The following ZNF862 variants were observed in gnomAD, a reference collection of about 807,000 sequenced individuals.
ZNF862 encodes zinc finger protein 862.
In ZNF862, 64 loss-of-function variants were observed where a neutral mutation model predicts 91.1. The ratio of observed to expected loss-of-function variants is 0.70; its 90% CI spans 0.57 to 0.87. The LOEUF is 0.87. Among genes scored for constraint, ZNF862 ranks in the 40% least tolerant of loss-of-function variants. The pLI, the probability that ZNF862 is intolerant of heterozygous loss-of-function variation, is 0.00. For synonymous variants in ZNF862, 631 were observed against 618.1 expected, an observed-to-expected ratio of 1.02 and a Z score of -0.31; for missense variants, 1,459 against 1,528.0, an observed-to-expected ratio of 0.95 and a Z score of 0.75.
intron 4 of ZNF862, among the ~76,000 whole-genome samples, chr7:149,849,449 T>G (rs1801987812): frequency 6.6e-6 from 1 of 152,240 alleles, no homozygotes; most frequent in South Asian, 2.1e-4. Context: ...GGAAACTACG[T>G]TCATTGGAAG....
intron 5 of ZNF862, among the ~76,000 whole-genome samples, chr7:149,853,574 C>G (rs1393117618): frequency 6.6e-6 from 1 of 152,118 alleles, no homozygotes; most frequent in Non-Finnish European, 1.5e-5. Flanking sequence ...TGGACAGTAC[C>G]CAAAAGGAAT....
rs758251424 is a variant in ZNF862 at position 149,846,218 on chromosome 7, C to T, written c.204C>T (p.Ser68=). 1.1e-5 allele frequency: 17 copies of T among 1,613,530 alleles called. No individual in the cohort carries two copies. In the East Asian group the frequency reaches 1.6e-4, roughly 15 times the overall value. Residue 68 remains serine, a synonymous_variant, in exon 3 of 8, where the codon AGC becomes AGT. Coordinates refer to ENST00000223210, the MANE Select transcript of ZNF862 (RefSeq NM_001099220.3). ...GAGGGCCAGAGCCATGGCTTGGCAG[C>T]GTCCAGGGCCAGAGGAGCCTTCTGG... ...FGRGPEPWLG[S]VQGQRSLLEH... is the part of the protein sequence containing the mutation.
Position 149,850,491 on chromosome 7 carries a change from C to A in ZNF862, c.1117+153C>A. The A allele has an allele frequency of 1.4e-6, 1 of 727,548 alleles. No homozygotes were observed. The highest frequency in any genetic ancestry group is 2.2e-6 in the Non-Finnish European group (1 of 455,754). The allele number at this position is 727,548 out of a possible 1,614,324, so 45.1% of individuals were successfully genotyped here. A position where few individuals can be genotyped will look rare whatever the true frequency, so the allele number is the denominator to read the frequency against. ...TCTTTTGCACCTCATAACTCCCCTGCTTGGGGTAACTGTGCTTTATCACCT... is the reference window on the plus strand; with the variant it reads ...TCTTTTGCACCTCATAACTCCCCTGATTGGGGTAACTGTGCTTTATCACCT... On this transcript the variant is annotated intron_variant, in intron 5 of 7. Coordinates refer to ENST00000223210, the MANE Select transcript of ZNF862 (RefSeq NM_001099220.3). The surrounding 1 kb of genome is among the most constrained non-coding windows in gnomAD (Gnocchi z 4.2).
intron 5 of ZNF862, 27 bp from the exon 6 acceptor site, chr7:149,859,395 C>T: frequency 6.5e-7 from 1 of 1,544,692 alleles, no homozygotes; most frequent in Admixed American, 1.9e-5. Flanking sequence ...GCAGTGACAT[C>T]AGCATGATTC....
At position 149,847,595 on chromosome 7, in the gene ZNF862, GT is replaced by G. The variant is rs1563117830; in HGVS notation, c.242-139del. 13 of 3,026 alleles carry G rather than the reference GT, an allele frequency of 4.3e-3. 1 individual carries two copies. Among genetic ancestry groups the G allele is most frequent in the Admixed American group, 0.038 (7 of 182 alleles). The allele number at this position is 3,026 out of a possible 1,614,324, so 0.2% of individuals were successfully genotyped here. On this transcript the variant is annotated intron_variant, in intron 3 of 7. Coordinates refer to ENST00000223210, the MANE Select transcript of ZNF862 (RefSeq NM_001099220.3). ...GCCAGGACTAGAAGAAAATTCAGGT[GT>G]GTGTGTGTGTGTGTGTGTGTGTGTG... is the stretch of plus-strand genomic sequence containing the variant.
chr7:149,850,148 C>T lies in ZNF862; in HGVS notation c.940-13C>T. ...GGCAGGCGGTGCTGAGTGGCCGCTG[C>T]TCTTTGTTCCAGGACCCTTCTGCAG... On this transcript the variant is annotated splice_polypyrimidine_tract_variant and intron_variant, in intron 4 of 7. Coordinates refer to ENST00000223210, the MANE Select transcript of ZNF862 (RefSeq NM_001099220.3). This position sits in a 1 kb window ranked among gnomAD's most constrained non-coding sequence, Gnocchi z 4.2. The T allele has an allele frequency of 6.4e-7, 1 of 1,555,186 alleles. No individual in the cohort carries two copies. The highest frequency in any genetic ancestry group is 8.7e-7 in the Non-Finnish European group (1 of 1,150,058).
intron 7 of ZNF862, among the ~76,000 whole-genome samples, chr7:149,863,458 T>C (rs1802592028): frequency 6.6e-6 from 1 of 152,116 alleles, no homozygotes; most frequent in Non-Finnish European, 1.5e-5. Flanking sequence ...ACAGAGGCTC[T>C]GTAGGAAGCA....
chr7:149,853,549 A>C (rs957865084), intron 5 of ZNF862, among the ~76,000 whole-genome samples: 1 of 152,230 alleles, frequency 6.6e-6, no homozygotes, highest in Non-Finnish European at 1.5e-5. Context: ...TAGTGGCGCC[A>C]GCGGCAGTCA....
Position 149,860,586 on chromosome 7 carries a change from T to C in ZNF862, c.1426T>C (p.Leu476=). 6 of 1,613,966 alleles carry C rather than the reference T, an allele frequency of 3.7e-6. No homozygotes were observed. The highest frequency in any genetic ancestry group is 5.1e-6 in the Non-Finnish European group (6 of 1,179,860). ...GTCATGGTTTGGGCAGTTCCCATGG[T>C]TAGTAATTGACCCCAAAGAGACCAA... The part of the protein sequence containing the change: ...QRSWFGQFPW[L]VIDPKETKLF... The change falls in exon 7 of 8, where the codon TTA becomes CTA. Residue 476 remains leucine (L), a synonymous_variant. Coordinates refer to ENST00000223210, the MANE Select transcript of ZNF862 (RefSeq NM_001099220.3).
chr7:149,848,323 T>G lies in ZNF862; in HGVS notation c.830T>G (p.Met277Arg). ...GGGGGGGATGGAGCAATTCCTGCAATGTATCTAGACTGCATTTCAGATTTG... is the reference window on the plus strand; with the variant it reads ...GGGGGGGATGGAGCAATTCCTGCAAGGTATCTAGACTGCATTTCAGATTTG... Reference protein sequence around the residue: ...DPGGDGAIPAMYLDCISDLRQ... With the variant: ...DPGGDGAIPARYLDCISDLRQ... The change falls in exon 4 of 8, where the codon ATG becomes AGG. Residue 277 changes from methionine to arginine, a missense_variant. Physicochemically the swap from Met to Arg is moderately conservative, Grantham distance 91 (BLOSUM62 -1). Coordinates refer to ENST00000223210, the MANE Select transcript of ZNF862 (RefSeq NM_001099220.3). The G allele has an allele frequency of 6.2e-7, 1 of 1,608,132 alleles. No homozygotes were observed. The highest frequency in any genetic ancestry group is 1.1e-5 in the South Asian group (1 of 90,030).
rs765864134 is a variant in ZNF862, at chr7:149,861,408, A to T, written c.2248A>T (p.Ile750Phe). 4.3e-6 allele frequency: 7 copies of T among 1,613,110 alleles called. No individual in the cohort carries two copies. Among genetic ancestry groups the T allele is most frequent in the Non-Finnish European group, 5.9e-6 (7 of 1,179,910 alleles). ...IDLVKKCDRH[I>F]RTVFKFYQSS... The stretch of plus-strand genomic sequence containing the variant: ...TCTGGTGAAGAAGTGTGACCGGCAC[A>T]TCCGCACCGTCTTCAAGTTTTATCA... The change falls in exon 7 of 8, where the codon ATC (isoleucine) becomes TTC (phenylalanine). Residue 750 changes from isoleucine (I) to phenylalanine (F), a missense_variant. Transcript: ENST00000223210. This position sits in a 1 kb window ranked among gnomAD's most constrained non-coding sequence, Gnocchi z 6.7.
chr7:149,851,495 T>G (rs935495314), intron 5 of ZNF862: 2 of 152,140 alleles, frequency 1.3e-5, no homozygotes, highest in African/African-American at 4.8e-5. Flanking sequence ...GCAGTGAGAG[T>G]GAGGGCGAAA....
chr7:149,850,609 C>A lies in ZNF862; in HGVS notation c.1117+271C>A. ...GATGAACACAGCTGATCCATGGTCT[C>A]TGCTTTCAAGGGCCTAGCACGTTTG... On this transcript the variant is annotated intron_variant, in intron 5 of 7. Coordinates refer to ENST00000223210, the MANE Select transcript of ZNF862 (RefSeq NM_001099220.3). The surrounding 1 kb of genome is among the most constrained non-coding windows in gnomAD (Gnocchi z 4.2). The A allele has an allele frequency of 2.6e-6, 1 of 389,516 alleles. No homozygotes were observed. The highest frequency in any genetic ancestry group is 4.6e-6 in the Non-Finnish European group (1 of 216,358). The allele number at this position is 389,516 out of a possible 1,614,324, so 24.1% of individuals were successfully genotyped here.
Position 149,847,991 on chromosome 7 carries a change from A to G in ZNF862, c.498A>G (p.Glu166=). 6.2e-7 allele frequency: 1 copy of G among 1,612,892 alleles called. No individual in the cohort carries two copies. The highest frequency in any genetic ancestry group is 8.5e-7 in the Non-Finnish European group (1 of 1,179,344). ...QTALFCSACR[E]YPSIRDKRSR... ...CTCTGTTCTGCTCTGCTTGCCGAGA[A>G]TACCCCTCCATCAGGGACAAACGGT... Residue 166 remains glutamate (E), a synonymous_variant, in exon 4 of 8, where the codon GAA becomes GAG. Coordinates refer to ENST00000223210, the MANE Select transcript of ZNF862 (RefSeq NM_001099220.3).
chr7:149,856,750 C>T (rs1802279201), intron 5 of ZNF862, among the ~76,000 whole-genome samples: 2 of 152,214 alleles, frequency 1.3e-5, no homozygotes, highest in South Asian at 4.1e-4. Flanking sequence ...TCCCCCATTT[C>T]CCGAGTCTGT....
chr7:149,849,337 T>A (rs1363866845), intron 4 of ZNF862, among the ~76,000 whole-genome samples: 4 of 152,182 alleles, frequency 2.6e-5, no homozygotes, highest in African/African-American at 9.6e-5. Flanking sequence ...CAGCCCATGC[T>A]TTCCTTCCAC....
At chr7:149,841,589 G>A in intron 1 of ZNF862, 1 of 985,402 alleles carries the variant, frequency 1.0e-6, no homozygotes, top group Non-Finnish European at 1.2e-6. Context: ...CATCACTACA[G>A]GAGCCCTTTT....
chr7:149,861,250 A>G lies in ZNF862; in HGVS notation c.2090A>G (p.Asp697Gly), dbSNP rs1338740525. ...KPGWVVGLGT[D>G]GSAMLSCRGG... ...GGCTGGGTGGTGGGGCTGGGGACGGATGGCTCAGCCATGTTGAGCTGCAGA... is the reference window on the plus strand; with the variant it reads ...GGCTGGGTGGTGGGGCTGGGGACGGGTGGCTCAGCCATGTTGAGCTGCAGA... The change falls in exon 7 of 8, where the codon GAT becomes GGT. Residue 697 changes from aspartate (D) to glycine (G), a missense_variant. Asp to Gly is a moderately conservative substitution (Grantham distance 94). Coordinates refer to ENST00000223210, the MANE Select transcript of ZNF862 (RefSeq NM_001099220.3). This position sits in a 1 kb window ranked among gnomAD's most constrained non-coding sequence, Gnocchi z 6.7. 1.2e-6 allele frequency: 2 copies of G among 1,611,980 alleles called. No individual in the cohort carries two copies. The highest frequency in any genetic ancestry group is 1.7e-6 in the Non-Finnish European group (2 of 1,179,472).
chr7:149,845,068 G>A (rs561800020), intron 2 of ZNF862: 43 of 260,940 alleles, frequency 1.6e-4, no homozygotes, highest in Middle Eastern at 1.3e-3. Context: ...GGAGCCCGTA[G>A]GACACTGGAG....
Sources: gnomAD v4.1 joint callset for allele counts (sites outside exome capture counted in the v4.1 genomes callset) on GRCh38, gnomAD v4.1.1 for gene constraint, Gnocchi (gnomAD v3.1) non-coding constraint, MANE v1.5 for transcripts, NCBI Gene and HGNC (gene_info 2026-07-23, HGNC 2026-07-21) for gene names.